The following UNC13C variants were observed in gnomAD, a reference collection of about 807,000 sequenced individuals.
UNC13C encodes unc-13 homolog C, also known as protein unc-13 homolog C.
Under a neutral mutation model 245.4 loss-of-function variants are expected in UNC13C, and 174 were observed. The ratio of observed to expected loss-of-function variants is 0.71; its 90% CI spans 0.63 to 0.80. The LOEUF is 0.80. Among genes scored for constraint, UNC13C ranks in the 30% least tolerant of loss-of-function variants. The probability of loss-of-function intolerance (pLI) is 0.00; values close to 1 mark genes in which losing one functional copy is unlikely to be tolerated. For synonymous variants in UNC13C, 992 were observed against 895.1 expected, an observed-to-expected ratio of 1.11 and a Z score of -1.93; for missense variants, 2,829 against 2,602.9, an observed-to-expected ratio of 1.09 and a Z score of -1.89.
At chr15:53,949,902 T>C in the UNC13C span, among the ~76,000 whole-genome samples, 2 of 151,958 alleles carry the variant, frequency 1.3e-5, no homozygotes, top group Non-Finnish European at 2.9e-5. Context: ...TGTCTTATAA[T>C]AAATTCAGGT....
the UNC13C span, among the ~76,000 whole-genome samples, chr15:53,873,110 T>C: frequency 2.7e-5 from 4 of 148,924 alleles, no homozygotes; most frequent in South Asian, 8.7e-4. Context: ...TTTGGTGTGT[T>C]GAGGAGGAGA....
chr15:54,484,607 C>G (rs1389667808), intron 19 of UNC13C, among the ~76,000 whole-genome samples: 2 of 152,160 alleles, frequency 1.3e-5, no homozygotes, highest in Non-Finnish European at 2.9e-5. Context: ...AAAATATAAA[C>G]TAAGTGAACA....
rs2038646671 is a variant in UNC13C at position 54,338,418 on chromosome 15, G to T, written c.4642G>T (p.Ala1548Ser). 3 of 1,613,722 alleles carry T rather than the reference G, an allele frequency of 1.9e-6. No individual in the cohort carries two copies. The highest frequency in any genetic ancestry group is 1.7e-6 in the Non-Finnish European group (2 of 1,179,808). Reference sequence around the variant, plus strand: ...CATGGTGGTGAAGGACTGTGTAAGGGCTTGCCTGGATTCTACATACAAGTA... The same window carrying T: ...CATGGTGGTGAAGGACTGTGTAAGGTCTTGCCTGGATTCTACATACAAGTA... The part of the protein sequence containing the change: ...ASMVVKDCVR[A>S]CLDSTYKYIF... The change falls in exon 17 of 33, where the codon GCT becomes TCT. Residue 1548 changes from alanine to serine, a missense_variant. Transcript: ENST00000260323.
At chr15:53,931,979 C>G in the UNC13C span, among the ~76,000 whole-genome samples, 4 of 152,118 alleles carry the variant, frequency 2.6e-5, no homozygotes, top group African/African-American at 9.7e-5. Context: ...CCCCTCATGT[C>G]ACTCTTAATT....
chr15:54,632,572 G>A (rs1268179690), downstream of UNC13C: 1 of 152,188 alleles, frequency 6.6e-6, no homozygotes, highest in East Asian at 1.9e-4. Context: ...TAATTAATTA[G>A]AAACTAATTT....
chr15:53,922,699 C>T, the UNC13C span, among the ~76,000 whole-genome samples: 48 of 152,304 alleles, frequency 3.2e-4, no homozygotes, highest in Non-Finnish European at 5.1e-4. Flanking sequence ...TAACCATAAA[C>T]TATTGACTTA....
intron 2 of UNC13C, among the ~76,000 whole-genome samples, chr15:54,016,539 A>G (rs1039578211): frequency 2.6e-5 from 4 of 152,222 alleles, no homozygotes; most frequent in African/African-American, 9.6e-5. Context: ...AAGGGGATAG[A>G]GTTGAGTGGT....
the UNC13C span, among the ~76,000 whole-genome samples, chr15:53,922,893 T>A: frequency 2.6e-5 from 4 of 152,212 alleles, no homozygotes; most frequent in African/African-American, 4.8e-5. Context: ...CAAAATATTT[T>A]GAGAATATAA....
At chr15:54,400,660 AT>A (rs1203706803) in intron 18 of UNC13C, among the ~76,000 whole-genome samples, 1 of 152,090 alleles carries the variant, frequency 6.6e-6, no homozygotes, top group African/African-American at 2.4e-5. Context: ...TTCATTGAAA[AT>A]TTCTTCATCA....
At chr15:54,527,725 T>C (rs1193095878) in intron 25 of UNC13C, among the ~76,000 whole-genome samples, 8 of 152,208 alleles carry the variant, frequency 5.3e-5, no homozygotes, top group African/African-American at 1.9e-4. Context: ...CTACCCAGAA[T>C]CCATTTATTA....
chr15:54,287,202 T>G (rs1009518548), intron 10 of UNC13C, among the ~76,000 whole-genome samples: 2 of 152,178 alleles, frequency 1.3e-5, no homozygotes, highest in Non-Finnish European at 2.9e-5. Context: ...TCCTCTTGTA[T>G]GTGAGGATAT....
intron 2 of UNC13C, among the ~76,000 whole-genome samples, chr15:54,101,869 C>T (rs1567014934): frequency 6.6e-6 from 1 of 151,850 alleles, no homozygotes; most frequent in Non-Finnish European, 1.5e-5. Flanking sequence ...CAGGTGTGAG[C>T]CACCGTGCCC....
chr15:53,985,787 A>G (rs1894113749), intron 1 of UNC13C, among the ~76,000 whole-genome samples: 2 of 151,982 alleles, frequency 1.3e-5, no homozygotes, highest in Non-Finnish European at 2.9e-5. Flanking sequence ...CCTCTTGTTG[A>G]TCAGGGGGTT....
intron 2 of UNC13C, among the ~76,000 whole-genome samples, chr15:54,072,715 A>G (rs188760119): frequency 1.3e-5 from 2 of 152,296 alleles, no homozygotes; most frequent in African/African-American, 4.8e-5. Context: ...TTTTGTCCTC[A>G]TTTGTCTTAT....
At chr15:54,253,049 T>C (rs1038576863) in intron 8 of UNC13C, among the ~76,000 whole-genome samples, 2 of 152,228 alleles carry the variant, frequency 1.3e-5, no homozygotes, top group Non-Finnish European at 2.9e-5. Flanking sequence ...AGGTTTCTAG[T>C]ACTCTTTATT....
intron 13 of UNC13C, among the ~76,000 whole-genome samples, 185 bp downstream of exon 13, chr15:54,300,558 A>G (rs992509282): frequency 2.0e-5 from 3 of 152,150 alleles, no homozygotes; most frequent in African/African-American, 4.8e-5. Flanking sequence ...GTAATTCACT[A>G]CCACCATCCT....
At chr15:53,943,657 TA>T in the UNC13C span, among the ~76,000 whole-genome samples, 1 of 152,102 alleles carries the variant, frequency 6.6e-6, no homozygotes, top group Non-Finnish European at 1.5e-5. Flanking sequence ...TTTTTTTCCC[TA>T]AAAAAATTAT....
At chr15:54,321,846 G>T in intron 13 of UNC13C, 93 bp from the exon 14 acceptor site, 1 of 1,202,858 alleles carries the variant, frequency 8.3e-7, no homozygotes. Flanking sequence ...CATAGATGTA[G>T]CTGTGGAATT....
At chr15:54,257,248 T>TA (rs762638152) in intron 8 of UNC13C, among the ~76,000 whole-genome samples, 1 of 152,214 alleles carries the variant, frequency 6.6e-6, no homozygotes, top group Non-Finnish European at 1.5e-5. Flanking sequence ...CCTTGCTTAG[T>TA]AAAAATATTT....
Sources: gnomAD v4.1 joint callset for allele counts (sites outside exome capture counted in the v4.1 genomes callset) on GRCh38, gnomAD v4.1.1 for gene constraint, MANE v1.5 for transcripts, NCBI Gene and HGNC (gene_info 2026-07-23, HGNC 2026-07-21) for gene names.